Variants in MYO3A observed in about 807,000 individuals in gnomAD.
The protein encoded by MYO3A is myosin-IIIa.
Under a neutral mutation model 192.7 loss-of-function variants are expected in MYO3A, and 180 were observed. The observed-to-expected ratio is 0.93, with a 90% confidence interval of 0.83 to 1.06. MYO3A has a LOEUF of 1.06. Ranked by LOEUF, MYO3A falls within the 50% of genes least tolerant of loss-of-function variation. MYO3A has a pLI of 0.00. For synonymous variants in MYO3A, 628 were observed against 645.3 expected (o/e 0.97, Z 0.41); for missense variants, 1,896 against 1,905.0 (o/e 1.00, Z 0.09).
At chr10:26,211,822 G>A (rs1249239548) in intron 34 of MYO3A, 21 bp from the exon 35 acceptor site, 8 of 1,613,808 alleles carry the variant, frequency 5.0e-6, no homozygotes, top group Non-Finnish European at 5.9e-6. Context: ...TTGACACTTG[G>A]GCCCTGGGTT....
In MYO3A at chr10:26,060,259, C is replaced by CAATA. The variant is rs1456345707; in HGVS notation, c.954-6699_954-6696dup. ...GGGCAACAGGAGCGAAACTCCATCTCAATAAATAAATAAATAAATACATAC... is the reference window on the plus strand; with the variant it reads ...GGGCAACAGGAGCGAAACTCCATCTCAATAAATAAATAAATAAATAAATACATAC... On this transcript the variant is annotated intron_variant, in intron 10 of 34. Transcript: ENST00000642920. Among the ~76,000 whole-genome samples the CAATA allele has an allele frequency of 6.0e-5, 8 of 133,468 alleles. No individual in the cohort carries two copies. The East Asian group carries it at 8.0e-4, about 13-fold the overall frequency. 87.6% of individuals were successfully genotyped at this position (133,468 alleles called of 152,430 possible).
Position 26,042,120 on chromosome 10 carries a change from A to C in MYO3A, c.953+15588A>C, listed in dbSNP as rs548975576. Among the ~76,000 whole-genome samples the C allele has an allele frequency of 9.2e-5, 14 of 152,228 alleles. No homozygotes were observed. The South Asian group carries it at 1.2e-3, about 14-fold the overall frequency. On this transcript the variant is annotated intron_variant, in intron 10 of 34. Transcript: ENST00000642920. ...TCTAGGGTAAAATATTTTCTCCATC[A>C]GCACTTTACATATGTCATGCCACTC...
At chr10:26,181,107 A>G (rs1842600117) in intron 31 of MYO3A, among the ~76,000 whole-genome samples, 1 of 152,204 alleles carries the variant, frequency 6.6e-6, no homozygotes, top group Non-Finnish European at 1.5e-5. Context: ...AAAACCTGTC[A>G]TTTACAAAAA....
intron 6 of MYO3A, 38 bp downstream of exon 6, chr10:25,997,296 A>G: frequency 7.3e-7 from 1 of 1,373,108 alleles, no homozygotes; most frequent in South Asian, 1.2e-5. Flanking sequence ...TTAACTCCAT[A>G]ATGAACTAGT....
intron 26 of MYO3A, among the ~76,000 whole-genome samples, chr10:26,159,677 C>G (rs935451305): frequency 3.9e-5 from 6 of 152,226 alleles, no homozygotes; most frequent in African/African-American, 1.4e-4. Flanking sequence ...CTGCACCCAG[C>G]TGATTTTGGT....
intron 32 of MYO3A, among the ~76,000 whole-genome samples, chr10:26,199,934 C>T (rs2132194554): frequency 6.6e-6 from 1 of 152,254 alleles, no homozygotes; most frequent in South Asian, 2.1e-4. Context: ...AAAACAGAAA[C>T]AACCACCACA....
intron 3 of MYO3A, among the ~76,000 whole-genome samples, chr10:25,954,542 T>G (rs1240257848): frequency 1.3e-5 from 2 of 152,160 alleles, no homozygotes; most frequent in Non-Finnish European, 2.9e-5. Flanking sequence ...GCTTTGCCCT[T>G]GTAACAAAGT....
chr10:26,136,329 A>G (rs972169441), intron 20 of MYO3A, among the ~76,000 whole-genome samples: 1 of 152,272 alleles, frequency 6.6e-6, no homozygotes, highest in African/African-American at 2.4e-5. Flanking sequence ...ATTCTGAAAT[A>G]TCTACAACTG....
chr10:25,974,759 A>AT (rs1838873592), intron 4 of MYO3A, among the ~76,000 whole-genome samples: 1 of 152,106 alleles, frequency 6.6e-6, no homozygotes, highest in South Asian at 2.1e-4. Context: ...TATTTTTCCA[A>AT]TTTTTAGTAG....
chr10:25,983,355 A>C (rs971692396), intron 4 of MYO3A, among the ~76,000 whole-genome samples: 1 of 151,776 alleles, frequency 6.6e-6, no homozygotes, highest in African/African-American at 2.4e-5. Context: ...TCCCGGGTTC[A>C]TGCCATTCTC....
intron 23 of MYO3A, among the ~76,000 whole-genome samples, chr10:26,148,885 C>G (rs1456490323): frequency 6.6e-6 from 1 of 151,908 alleles, no homozygotes; most frequent in African/African-American, 2.4e-5. Context: ...TTGTTAATTC[C>G]AAAGGATTTT....
chr10:26,164,781 A>G (rs79356191), intron 26 of MYO3A, among the ~76,000 whole-genome samples: 1,867 of 152,256 alleles, frequency 0.012, 50 homozygotes, highest in African/African-American at 0.043. Flanking sequence ...GAATGAGAGT[A>G]GGAAAGGTGC....
At chr10:25,956,870 T>G (rs1392730789) in intron 4 of MYO3A, among the ~76,000 whole-genome samples, 1 of 152,120 alleles carries the variant, frequency 6.6e-6, no homozygotes, top group African/African-American at 2.4e-5. Flanking sequence ...TTAGTTATTT[T>G]TCCTGATCCT....
chr10:26,139,679 A>G (rs1366386197), intron 20 of MYO3A, among the ~76,000 whole-genome samples: 5 of 151,668 alleles, frequency 3.3e-5, no homozygotes, highest in African/African-American at 1.2e-4. Context: ...GCGGTGGGGG[A>G]ATCATTTGAG....
At chr10:26,155,883 A>G (rs1213607109) in intron 25 of MYO3A, among the ~76,000 whole-genome samples, 1 of 152,204 alleles carries the variant, frequency 6.6e-6, no homozygotes, top group African/African-American at 2.4e-5. Flanking sequence ...CAAACACTGT[A>G]TGTATGTTTA....
intron 31 of MYO3A, among the ~76,000 whole-genome samples, chr10:26,187,647 C>T (rs1466351764): frequency 8.8e-6 from 1 of 113,328 alleles, no homozygotes; most frequent in Admixed American, 1.1e-4. Flanking sequence ...CCCCCTCCCC[C>T]CACCCCACAA....
In MYO3A at chr10:26,128,652, C is replaced by G. The variant is rs553033229; in HGVS notation, c.2262+114C>G. ...TAATGCCTTAAACATTTTAGAAAGA[C>G]AAAAGATTTTTATTATCTCCACGTC... On this transcript the variant is annotated intron_variant, in intron 20 of 34. Coordinates refer to ENST00000642920, the MANE Select transcript of MYO3A (RefSeq NM_017433.5). 33 of 1,160,722 alleles carry G rather than the reference C, an allele frequency of 2.8e-5. No homozygotes were observed. The South Asian group carries it at 3.6e-4, about 13-fold the overall frequency. 71.9% of individuals were successfully genotyped at this position (1,160,722 alleles called of 1,614,324 possible).
Position 26,098,163 on chromosome 10 carries a change from G to A in MYO3A, c.1776+1481G>A, listed in dbSNP as rs1837177151. ...GGTTTTGATTTGCATTTCTCTGATGGCCAGTGATGATGAGCATTTTTTCTT... is the reference window on the plus strand; with the variant it reads ...GGTTTTGATTTGCATTTCTCTGATGACCAGTGATGATGAGCATTTTTTCTT... On this transcript the variant is annotated intron_variant, in intron 17 of 34. Transcript: ENST00000642920. Among the ~76,000 whole-genome samples, 3 of 152,170 alleles carry A rather than the reference G, an allele frequency of 2.0e-5. No homozygotes were observed. In the South Asian group the frequency reaches 6.2e-4, roughly 32 times the overall value.
chr10:26,011,313 A>T (rs1564457722), intron 6 of MYO3A, among the ~76,000 whole-genome samples: 2 of 152,176 alleles, frequency 1.3e-5, no homozygotes, highest in African/African-American at 2.4e-5. Flanking sequence ...GTGCGCCTGT[A>T]GTGCCAACTA....
Sources: allele counts gnomAD v4.1 joint callset (sites outside exome capture counted in the v4.1 genomes callset), GRCh38; gene constraint gnomAD v4.1.1; transcripts MANE v1.5; gene names NCBI Gene and HGNC (gene_info 2026-07-23, HGNC 2026-07-21).